The following SNRPD2 variants were observed in gnomAD, a reference collection of about 807,000 sequenced individuals.
SNRPD2 encodes small nuclear ribonucleoprotein D2 polypeptide, also known as small nuclear ribonucleoprotein Sm D2.
Under a neutral mutation model 11.5 loss-of-function variants are expected in SNRPD2, and 1 was observed. The ratio of observed to expected loss-of-function variants is 0.09; its 90% CI spans 0.03 to 0.41. The LOEUF (loss-of-function observed/expected upper bound fraction) is 0.41. SNRPD2 is among the 10% of genes least tolerant of loss of function. The probability of loss-of-function intolerance (pLI) is 0.98; values close to 1 mark genes in which losing one functional copy is unlikely to be tolerated. For missense variants in SNRPD2, 77 were observed against 154.9 expected (o/e 0.50, Z 2.67); for synonymous variants, 63 against 61.5 (o/e 1.02, Z -0.12).
chr19:45,689,465 C>T (rs1027346732), intron 1 of SNRPD2: 4 of 285,276 alleles, frequency 1.4e-5, no homozygotes, highest in Non-Finnish European at 2.8e-5. Context: ...GTGAGGAGTT[C>T]GAGACCAGCC....
chr19:45,687,858 C>G lies in SNRPD2; in HGVS notation c.183-131G>C. 1.4e-6 allele frequency: 1 copy of G among 707,384 alleles called. No individual in the cohort carries two copies. Among genetic ancestry groups the G allele is most frequent in the South Asian group, 1.7e-5 (1 of 57,330 alleles). The allele number at this position is 707,384 out of a possible 1,614,324, so 43.8% of individuals were successfully genotyped here. On this transcript the variant is annotated intron_variant, in intron 2 of 2. Transcript: ENST00000342669. This position sits in a 1 kb window ranked among gnomAD's most constrained non-coding sequence, Gnocchi z 4.1. ...GGTGCAGGTGCTAGGCCGGGATGAC[C>G]AAGCTGCCAAAGCAACTCTGCCAGT...
chr19:45,692,006 A>T (rs530924639), upstream of SNRPD2: 1 of 1,609,072 alleles, frequency 6.2e-7, no homozygotes, highest in South Asian at 1.1e-5. Flanking sequence ...CGCAAAGCCA[A>T]CCAGTAAGTG....
chr19:45,690,831 CAAA>C (rs34253731), intron 1 of SNRPD2, among the ~76,000 whole-genome samples: 5 of 87,412 alleles, frequency 5.7e-5, no homozygotes, highest in Non-Finnish European at 7.3e-5. Flanking sequence ...GGCTCCGTCT[CAAA>C]AAAAAAAAAA....
upstream of SNRPD2, chr19:45,692,086 G>A: frequency 6.8e-7 from 1 of 1,465,262 alleles, no homozygotes; most frequent in South Asian, 1.3e-5. Flanking sequence ...CTTCGGGTAG[G>A]GGTTCGCGGC....
At chr19:45,691,844 CCCTCAACCTCATTCCCG>C (rs749680716) in intron 1 of SNRPD2, 26 bp downstream of exon 1, 2 of 1,610,990 alleles carry the variant, frequency 1.2e-6, no homozygotes, top group East Asian at 4.5e-5. Context: ...CAAATATCCA[CCCTCAACCTCATTCCCG>C]CCGCCTAAGC....
At position 45,691,951 on chromosome 19, in the gene SNRPD2, G is replaced by T; in HGVS notation, c.-63C>A. On this transcript the variant is annotated 5_prime_UTR_variant, in exon 1 of 3. Coordinates refer to ENST00000342669, the MANE Select transcript of SNRPD2 (RefSeq NM_001384647.1). ...CGCGTTGCTGCTGCCTGAGGAGAGA[G>T]AGGCGGGACTTCCTCTTCCTGCGAC... 1.2e-6 allele frequency: 2 copies of T among 1,613,906 alleles called. No individual in the cohort carries two copies. The highest frequency in any genetic ancestry group is 1.7e-6 in the Non-Finnish European group (2 of 1,179,818).
At chr19:45,691,196 T>C (rs1568534924) in intron 1 of SNRPD2, among the ~76,000 whole-genome samples, 1 of 152,168 alleles carries the variant, frequency 6.6e-6, no homozygotes, top group Non-Finnish European at 1.5e-5. Context: ...AGTGGCGCAA[T>C]CTCGGCTCAC....
At chr19:45,691,064 A>C (rs183222941) in intron 1 of SNRPD2, among the ~76,000 whole-genome samples, 1 of 152,140 alleles carries the variant, frequency 6.6e-6, no homozygotes, top group Non-Finnish European at 1.5e-5. Context: ...AATGATCAAG[A>C]TAAGTCCCTT....
chr19:45,689,632 A>T (rs760548083), intron 1 of SNRPD2, among the ~76,000 whole-genome samples: 3 of 152,172 alleles, frequency 2.0e-5, no homozygotes, highest in Non-Finnish European at 2.9e-5. Context: ...AATTGCTTGA[A>T]CTCAGAGAGT....
intron 1 of SNRPD2, among the ~76,000 whole-genome samples, chr19:45,690,329 CAAAAAAAA>C (rs71175207): frequency 5.4e-5 from 4 of 74,590 alleles, no homozygotes; most frequent in Admixed American, 1.6e-4. Context: ...GACTCCGTCT[CAAAAAAAA>C]AAAAAAAAAA....
chr19:45,687,711 G>A lies in SNRPD2; in HGVS notation c.199C>T (p.Leu67=), dbSNP rs1274347135. The change falls in exon 3 of 3, where the codon CTG becomes TTG. Residue 67 remains leucine (L), a synonymous_variant. Transcript: ENST00000342669. The surrounding 1 kb of genome is among the most constrained non-coding windows in gnomAD (Gnocchi z 4.1). ...GTCCACATCTCCTTCACGTTCTCCA[G>A]CACCATGTTGCAGTGCCTGGTGGGG... is the stretch of plus-strand genomic sequence containing the variant. The part of the protein sequence containing the change: ...KAFDRHCNMV[L]ENVKEMWTEV... 6.2e-7 allele frequency: 1 copy of A among 1,613,778 alleles called. No individual in the cohort carries two copies. Among genetic ancestry groups the A allele is most frequent in the Non-Finnish European group, 8.5e-7 (1 of 1,179,934 alleles).
chr19:45,688,148 G>A lies in SNRPD2; in HGVS notation c.182+239C>T, dbSNP rs982029716. Reference sequence around the variant, plus strand: ...AATACAGGCGTGCACCACCACGCCTGGCTTTTATATTTTTAGTAGAGATGG... The same window carrying A: ...AATACAGGCGTGCACCACCACGCCTAGCTTTTATATTTTTAGTAGAGATGG... On this transcript the variant is annotated intron_variant, in intron 2 of 2. Coordinates refer to ENST00000342669, the MANE Select transcript of SNRPD2 (RefSeq NM_001384647.1). This position sits in a 1 kb window ranked among gnomAD's most constrained non-coding sequence, Gnocchi z 4.1. 2.6e-5 allele frequency among the ~76,000 whole-genome samples: 4 copies of A among 152,070 alleles called. No individual in the cohort carries two copies. The East Asian group carries it at 7.7e-4, about 29-fold the overall frequency.
In SNRPD2 at chr19:45,687,619, G is replaced by A. The variant is rs1254207035; in HGVS notation, c.291C>T (p.Ser97=). 6.2e-7 allele frequency: 1 copy of A among 1,613,994 alleles called. No individual in the cohort carries two copies. Among genetic ancestry groups the A allele is most frequent in the East Asian group, 2.2e-5 (1 of 44,898 alleles). Residue 97 remains serine, a synonymous_variant, in exon 3 of 3, where the codon TCC becomes TCT. Coordinates refer to ENST00000342669, the MANE Select transcript of SNRPD2 (RefSeq NM_001384647.1). This position sits in a 1 kb window ranked among gnomAD's most constrained non-coding sequence, Gnocchi z 4.1. Reference sequence around the variant, plus strand: ...CTGAGTCCCCGCGCAGGAACATCTTGGAGATGTAGCGGTCTTTGTTGACTG... The same window carrying A: ...CTGAGTCCCCGCGCAGGAACATCTTAGAGATGTAGCGGTCTTTGTTGACTG... ...SKPVNKDRYI[S]KMFLRGDSVI... is the part of the protein sequence containing the mutation.
rs1484654313 is a variant in SNRPD2 at position 45,691,889 on chromosome 19, G to A, written c.-1C>T. ...GCCTAAGCCTAGCCCGGCCTCACAT[G>A]ATGGTCACTACGCTCTCCGTTCACT... On this transcript the variant is annotated splice_region_variant and 5_prime_UTR_variant, in exon 1 of 3. Coordinates refer to ENST00000342669, the MANE Select transcript of SNRPD2 (RefSeq NM_001384647.1). 1 of 1,614,092 alleles carries A rather than the reference G, an allele frequency of 6.2e-7. No individual in the cohort carries two copies.
Position 45,688,950 on chromosome 19 carries a change from G to C in SNRPD2, c.3-384C>G, listed in dbSNP as rs1051981789. On this transcript the variant is annotated intron_variant, in intron 1 of 2. Transcript: ENST00000342669. The surrounding 1 kb of genome is among the most constrained non-coding windows in gnomAD (Gnocchi z 4.1). ...GGGTTTCACCATGTTGGCCAGGATG[G>C]TCTTGATTTCTTGACCTTGTGATCC... Among the ~76,000 whole-genome samples, 2 of 151,990 alleles carry C rather than the reference G, an allele frequency of 1.3e-5. No homozygotes were observed. The highest frequency in any genetic ancestry group is 2.9e-5 in the Non-Finnish European group (2 of 67,984).
Position 45,687,651 on chromosome 19 carries a change from ACTT to A in SNRPD2, c.256_258del (p.Lys86del), listed in dbSNP as rs781382826. 5.0e-6 allele frequency: 8 copies of A among 1,613,706 alleles called. No homozygotes were observed. The highest frequency in any genetic ancestry group is 3.3e-5 in the Admixed American group (2 of 59,980). The stretch of plus-strand genomic sequence containing the variant: ...TAGCGGTCTTTGTTGACTGGCTTGG[ACTT>A]CTTCTTGCCCTTGCCACTCTTGGGT... On this transcript the variant is annotated inframe_deletion, in exon 3 of 3. Transcript: ENST00000342669. The surrounding 1 kb of genome is among the most constrained non-coding windows in gnomAD (Gnocchi z 4.1).
rs1967484862 is a variant in SNRPD2, at chr19:45,689,495, C to T, written c.3-929G>A. ...CCAGCCTGGCCAACATGGTGAAACC[C>T]CATTTCTACTAAAAATACAAAACAA... On this transcript the variant is annotated intron_variant, in intron 1 of 2. Coordinates refer to ENST00000342669, the MANE Select transcript of SNRPD2 (RefSeq NM_001384647.1). 3 of 239,074 alleles carry T rather than the reference C, an allele frequency of 1.3e-5. No individual in the cohort carries two copies. The Admixed American group carries it at 1.6e-4, about 13-fold the overall frequency. 14.8% of individuals were successfully genotyped at this position (239,074 alleles called of 1,614,324 possible).
upstream of SNRPD2, chr19:45,692,040 A>AT: frequency 6.3e-7 from 1 of 1,587,040 alleles, no homozygotes; most frequent in East Asian, 2.3e-5. Flanking sequence ...TTGCCACAGC[A>AT]TTCCCCACCA....
intron 1 of SNRPD2, among the ~76,000 whole-genome samples, chr19:45,691,064 A>G (rs183222941): frequency 9.9e-5 from 15 of 152,258 alleles, no homozygotes; most frequent in African/African-American, 3.4e-4. Flanking sequence ...AATGATCAAG[A>G]TAAGTCCCTT....
Sources: gnomAD v4.1 joint callset for allele counts (sites outside exome capture counted in the v4.1 genomes callset) on GRCh38, gnomAD v4.1.1 for gene constraint, Gnocchi (gnomAD v3.1) non-coding constraint, MANE v1.5 for transcripts, NCBI Gene and HGNC (gene_info 2026-07-23, HGNC 2026-07-21) for gene names.